GRM7: variants seen among roughly 807,000 people sequenced by gnomAD.
GRM7 encodes metabotropic glutamate receptor 7.
Under a neutral mutation model 84.5 loss-of-function variants are expected in GRM7, and 35 were observed. The observed-to-expected ratio is 0.41, with a 90% CI of 0.32 to 0.55. The LOEUF is 0.55. Ranked by LOEUF, GRM7 falls within the 20% of genes least tolerant of loss-of-function variation. GRM7 has a pLI of 0.19. For synonymous variants in GRM7, 487 were observed against 455.1 expected (o/e 1.07, Z -0.89); for missense variants, 1,003 against 1,194.6 (o/e 0.84, Z 2.36).
chr3:6,955,829 G>A (rs1167873814), intron 1 of GRM7, among the ~76,000 whole-genome samples: 1 of 129,392 alleles, frequency 7.7e-6, no homozygotes, highest in Non-Finnish European at 1.6e-5. Flanking sequence ...ACGACACAGT[G>A]AGACTCTATC....
At chr3:7,693,662 G>A (rs560934435) in intron 9 of GRM7, 46 of 1,531,394 alleles carry the variant, frequency 3.0e-5, no homozygotes, top group Non-Finnish European at 3.9e-5. Context: ...CTGACCATCT[G>A]CACTGGCATC....
intron 8 of GRM7, among the ~76,000 whole-genome samples, chr3:7,641,849 G>T (rs951398462): frequency 2.6e-5 from 4 of 151,986 alleles, no homozygotes; most frequent in African/African-American, 9.7e-5. Context: ...AAATTCTTAA[G>T]ATCACATTTT....
intron 1 of GRM7, among the ~76,000 whole-genome samples, chr3:7,070,296 G>A (rs1284324334): frequency 1.3e-5 from 2 of 151,966 alleles, no homozygotes; most frequent in Admixed American, 6.6e-5. Flanking sequence ...AGTGTATTTT[G>A]TTTAGAATTT....
At chr3:7,093,346 C>G (rs1164452721) in intron 1 of GRM7, among the ~76,000 whole-genome samples, 1 of 151,528 alleles carries the variant, frequency 6.6e-6, no homozygotes, top group Non-Finnish European at 1.5e-5. Flanking sequence ...TGTGTGTGTG[C>G]TGGAGGAAAA....
intron 1 of GRM7, among the ~76,000 whole-genome samples, chr3:6,998,444 G>T (rs1350788629): frequency 6.6e-6 from 1 of 152,164 alleles, no homozygotes; most frequent in Non-Finnish European, 1.5e-5. Flanking sequence ...GGCACACAGT[G>T]CAAGCTGTCA....
At chr3:7,319,262 A>G (rs1424703350) in intron 4 of GRM7, among the ~76,000 whole-genome samples, 2 of 152,060 alleles carry the variant, frequency 1.3e-5, no homozygotes, top group Non-Finnish European at 2.9e-5. Context: ...AGTAGGCAAC[A>G]TCAGAGTGAG....
At chr3:7,587,032 G>A (rs905784626) in intron 8 of GRM7, among the ~76,000 whole-genome samples, 1 of 152,162 alleles carries the variant, frequency 6.6e-6, no homozygotes, top group Admixed American at 6.5e-5. Context: ...AATTTGGGGG[G>A]TAATATGTGT....
intron 8 of GRM7, among the ~76,000 whole-genome samples, chr3:7,606,281 CA>C (rs1348059929): frequency 1.3e-5 from 2 of 151,786 alleles, no homozygotes; most frequent in Non-Finnish European, 2.9e-5. Flanking sequence ...GACTAAAGAA[CA>C]AATCCTTGTG....
At chr3:7,340,381 G>A (rs1372467611) in intron 4 of GRM7, among the ~76,000 whole-genome samples, 2 of 152,152 alleles carry the variant, frequency 1.3e-5, no homozygotes, top group African/African-American at 2.4e-5. Context: ...AGGGGAAGCA[G>A]ACACATCTTA....
At chr3:7,507,027 C>G (rs745877189) in intron 7 of GRM7, among the ~76,000 whole-genome samples, 16 of 152,280 alleles carry the variant, frequency 1.1e-4, no homozygotes, top group Admixed American at 2.6e-4. Flanking sequence ...TGAGCTTCTA[C>G]AAGCATAGAC....
intron 1 of GRM7, among the ~76,000 whole-genome samples, chr3:7,047,111 A>T (rs1696833209): frequency 6.6e-6 from 1 of 151,950 alleles, no homozygotes; most frequent in Non-Finnish European, 1.5e-5. Flanking sequence ...TTAGTCTATG[A>T]GTCAAATCTG....
At position 7,056,461 on chromosome 3, in the gene GRM7, A is replaced by C. The variant is rs142491425; in HGVS notation, c.520-89991A>C. Among the ~76,000 whole-genome samples the C allele has an allele frequency of 2.6e-5, 4 of 152,064 alleles. No homozygotes were observed. In the East Asian group the frequency reaches 7.8e-4, roughly 30 times the overall value. On this transcript the variant is annotated intron_variant, in intron 1 of 9. Transcript: ENST00000357716. ...TTCTCACTCCGAGGTCAACAATTTC[A>C]CTGTAAGCTGAGTTACCTGTCATAA...
At chr3:7,568,434 A>G (rs992411114) in intron 7 of GRM7, among the ~76,000 whole-genome samples, 2 of 152,226 alleles carry the variant, frequency 1.3e-5, no homozygotes, top group African/African-American at 4.8e-5. Flanking sequence ...GTGAGAGGTG[A>G]CAGCGTGCTG....
At chr3:7,622,399 A>G (rs1697399777) in intron 8 of GRM7, among the ~76,000 whole-genome samples, 2 of 152,128 alleles carry the variant, frequency 1.3e-5, no homozygotes, top group Non-Finnish European at 2.9e-5. Flanking sequence ...TACAGATATC[A>G]GTTAGATGCA....
At chr3:7,344,342 G>A (rs752322787) in intron 4 of GRM7, among the ~76,000 whole-genome samples, 4 of 152,126 alleles carry the variant, frequency 2.6e-5, no homozygotes, top group Non-Finnish European at 5.9e-5. Flanking sequence ...AGAACATGCA[G>A]CATTTGGTTT....
At chr3:7,354,296 T>C (rs948691228) in intron 4 of GRM7, among the ~76,000 whole-genome samples, 6 of 152,132 alleles carry the variant, frequency 3.9e-5, no homozygotes, top group African/African-American at 1.2e-4. Flanking sequence ...AGTATGGCCC[T>C]CTAATTAGTG....
chr3:7,126,998 A>G (rs1211218614), intron 1 of GRM7, among the ~76,000 whole-genome samples: 1 of 152,258 alleles, frequency 6.6e-6, no homozygotes. Flanking sequence ...TATGGAAATT[A>G]TGCAAAGGTG....
chr3:7,126,034 A>T (rs1693387246), intron 1 of GRM7, among the ~76,000 whole-genome samples: 1 of 152,216 alleles, frequency 6.6e-6, no homozygotes, highest in African/African-American at 2.4e-5. Flanking sequence ...ACAGAAGAAT[A>T]GAAAATCAGA....
intron 2 of GRM7, among the ~76,000 whole-genome samples, chr3:7,244,342 T>C (rs900137724): frequency 3.3e-5 from 5 of 152,118 alleles, no homozygotes; most frequent in African/African-American, 1.2e-4. Flanking sequence ...GGTGACCACA[T>C]CTTCAGCACA....
Sources: gnomAD v4.1 joint callset for allele counts (sites outside exome capture counted in the v4.1 genomes callset) on GRCh38, gnomAD v4.1.1 for gene constraint, MANE v1.5 for transcripts, NCBI Gene and HGNC (gene_info 2026-07-23, HGNC 2026-07-21) for gene names.